Variants in MTMR12 observed in about 807,000 individuals in gnomAD.
MTMR12 encodes the protein myotubularin related protein 12.
MTMR12 carries 33 observed loss-of-function variants against 96.7 expected under a neutral mutation model. That is an observed-to-expected ratio of 0.34 (90% CI 0.26 to 0.46). The LOEUF is 0.46. MTMR12 is among the 20% of genes least tolerant of loss of function. The probability of loss-of-function intolerance (pLI) is 1.00; values close to 1 mark genes in which losing one functional copy is unlikely to be tolerated. For missense variants in MTMR12, 721 were observed against 896.1 expected (o/e 0.80, Z 2.49); for synonymous variants, 298 against 327.2 (o/e 0.91, Z 0.96).
At chr5:32,246,679 G>A (rs1561752368) in intron 10 of MTMR12, among the ~76,000 whole-genome samples, 3 of 152,162 alleles carry the variant, frequency 2.0e-5, no homozygotes, top group Admixed American at 6.5e-5. Flanking sequence ...TTGTCCATTT[G>A]TAAACTGCTG....
At chr5:32,285,177 G>A (rs1000807542) in intron 1 of MTMR12, among the ~76,000 whole-genome samples, 1 of 151,982 alleles carries the variant, frequency 6.6e-6, no homozygotes, top group Non-Finnish European at 1.5e-5. Context: ...GGCCAACATG[G>A]TGAAACCCCG....
At chr5:32,294,009 G>A (rs572686638) in intron 1 of MTMR12, among the ~76,000 whole-genome samples, 7 of 152,220 alleles carry the variant, frequency 4.6e-5, no homozygotes, top group East Asian at 1.9e-4. Flanking sequence ...TATTGCCCAC[G>A]TCTATCCATT....
intron 1 of MTMR12, among the ~76,000 whole-genome samples, chr5:32,282,642 G>A (rs1750348215): frequency 6.6e-6 from 1 of 151,942 alleles, no homozygotes; most frequent in Non-Finnish European, 1.5e-5. Context: ...CCAGTCCCAA[G>A]AAGAGAAATA....
chr5:32,234,182 C>T (rs1052479518), intron 14 of MTMR12, among the ~76,000 whole-genome samples: 5 of 152,310 alleles, frequency 3.3e-5, no homozygotes, highest in African/African-American at 9.6e-5. Flanking sequence ...GCTTCCACAG[C>T]CTCGCGAGGC....
At chr5:32,288,111 AAGGTGCATGCACAGCCTCGCC>A (rs1424281981) in intron 1 of MTMR12, among the ~76,000 whole-genome samples, 11 of 152,174 alleles carry the variant, frequency 7.2e-5, no homozygotes, top group Non-Finnish European at 1.3e-4. Flanking sequence ...CCTGCAACAA[AAGGTGCATGCACAGCCTCGCC>A]AGGTGTCTTT....
At chr5:32,261,649 T>C (rs946063691) in intron 7 of MTMR12, among the ~76,000 whole-genome samples, 4 of 152,238 alleles carry the variant, frequency 2.6e-5, no homozygotes, top group African/African-American at 9.6e-5. Flanking sequence ...TCCAGAATGA[T>C]AGCTCCAAGA....
At position 32,228,355 on chromosome 5, in the gene MTMR12, T is replaced by C. The variant is rs1250804128; in HGVS notation, c.*1423A>G. Reference sequence around the variant, plus strand: ...TTTTTCCGAACATGTAACATTCAAATTGGGATCCATACTGAAGAGCAAATA... The same window carrying C: ...TTTTTCCGAACATGTAACATTCAAACTGGGATCCATACTGAAGAGCAAATA... On this transcript the variant is annotated 3_prime_UTR_variant, in exon 16 of 16. Transcript: ENST00000382142. 1 of 151,880 alleles carries C rather than the reference T, an allele frequency of 6.6e-6. No homozygotes were observed. Among genetic ancestry groups the C allele is most frequent in the African/African-American group, 2.4e-5 (1 of 41,344 alleles). The allele number at this position is 151,880 out of a possible 1,614,324, so 9.4% of individuals were successfully genotyped here. A position where few individuals can be genotyped will look rare whatever the true frequency, so the allele number is the denominator to read the frequency against.
chr5:32,231,818 G>A (rs1286841745), intron 15 of MTMR12, among the ~76,000 whole-genome samples: 2 of 152,152 alleles, frequency 1.3e-5, no homozygotes, highest in Non-Finnish European at 2.9e-5. Flanking sequence ...GGACTACACT[G>A]AACCACCACC....
intron 1 of MTMR12, among the ~76,000 whole-genome samples, chr5:32,308,450 C>G (rs1751439035): frequency 6.6e-6 from 1 of 152,164 alleles, no homozygotes; most frequent in South Asian, 2.1e-4. Flanking sequence ...ACTCCTCCCA[C>G]TGGGTAAGCC....
At chr5:32,260,621 G>C (rs1749327713) in intron 7 of MTMR12, among the ~76,000 whole-genome samples, 1 of 151,096 alleles carries the variant, frequency 6.6e-6, no homozygotes, top group Non-Finnish European at 1.5e-5. Context: ...AACCAGGAAA[G>C]AGAAAAGAAC....
chr5:32,276,814 C>CA, intron 1 of MTMR12, 72 bp from the exon 2 acceptor site: 1 of 1,082,098 alleles, frequency 9.2e-7, no homozygotes, highest in Non-Finnish European at 1.3e-6. Flanking sequence ...GCCATGCTTT[C>CA]AGAATACACA....
chr5:32,256,441 G>C (rs540624258), intron 7 of MTMR12, among the ~76,000 whole-genome samples: 2 of 152,292 alleles, frequency 1.3e-5, no homozygotes, highest in Admixed American at 1.3e-4. Context: ...AGTGCAGCTG[G>C]GACCTGAACC....
chr5:32,232,990 T>G lies in MTMR12; in HGVS notation c.1674+783A>C, dbSNP rs566570161. On this transcript the variant is annotated intron_variant, in intron 15 of 15. Transcript: ENST00000382142. ...ACTGCTCTCTCCTTTGTGGACTCTGTGGGGGAGAAATTCTGGGCCTGGAGA... is the reference window on the plus strand; with the variant it reads ...ACTGCTCTCTCCTTTGTGGACTCTGGGGGGGAGAAATTCTGGGCCTGGAGA... The G allele has an allele frequency of 1.6e-5, 16 of 985,280 alleles. No homozygotes were observed. In the East Asian group the frequency reaches 4.5e-4, roughly 28 times the overall value. 61.0% of individuals were successfully genotyped at this position (985,280 alleles called of 1,614,324 possible). A position where few individuals can be genotyped will look rare whatever the true frequency, so the allele number is the denominator to read the frequency against.
At chr5:32,275,329 C>G (rs1306474329) in intron 2 of MTMR12, among the ~76,000 whole-genome samples, 3 of 151,962 alleles carry the variant, frequency 2.0e-5, no homozygotes, top group African/African-American at 7.3e-5. Flanking sequence ...TAAAATAGTC[C>G]CAGAAAAAGT....
At position 32,297,248 on chromosome 5, in the gene MTMR12, C is replaced by T. The variant is rs775547320; in HGVS notation, c.81+15510G>A. On this transcript the variant is annotated intron_variant, in intron 1 of 15. Coordinates refer to ENST00000382142, the MANE Select transcript of MTMR12 (RefSeq NM_001040446.3). Reference sequence around the variant, plus strand: ...ACCACAATCAATTTTAGATCATTTTCATCATCCCAAAAGGAATATTCTAAG... The same window carrying T: ...ACCACAATCAATTTTAGATCATTTTTATCATCCCAAAAGGAATATTCTAAG... Among the ~76,000 whole-genome samples the T allele has an allele frequency of 9.9e-5, 15 of 152,108 alleles. 1 individual carries two copies. The highest frequency in any genetic ancestry group is 1.9e-4 in the Non-Finnish European group (13 of 68,010).
Position 32,248,889 on chromosome 5 carries a change from A to C in MTMR12, c.790-11T>G, listed in dbSNP as rs1748802304. The C allele has an allele frequency of 1.9e-6, 3 of 1,604,578 alleles. No individual in the cohort carries two copies. The highest frequency in any genetic ancestry group is 1.1e-5 in the South Asian group (1 of 90,906). On this transcript the variant is annotated splice_polypyrimidine_tract_variant and intron_variant, in intron 8 of 15. Coordinates refer to ENST00000382142, the MANE Select transcript of MTMR12 (RefSeq NM_001040446.3). ...GGACCAACACCATATCTGTAGAAAC[A>C]AATAAAGCTTTACCAGATACAATAA...
intron 13 of MTMR12, among the ~76,000 whole-genome samples, chr5:32,235,740 C>T (rs11950407): frequency 0.34 from 51,069 of 152,096 alleles, 8,878 homozygotes; most frequent in East Asian, 0.5. Flanking sequence ...TTTCAAAATG[C>T]ATCTTTACAA....
chr5:32,233,834 T>C lies in MTMR12; in HGVS notation c.1613A>G (p.Asn538Ser), dbSNP rs1351298127. ...TTTTGGCTTTTCCACATAAAGAGGG[T>C]TTTTGAGCAATGTCTGGGCTTTGGG... ...FEPKAQTLLK[N>S]PLYVEKPKLD... The change falls in exon 15 of 16, where the codon AAC (asparagine) becomes AGC (serine). Residue 538 changes from asparagine (N) to serine (S), a missense_variant. Coordinates refer to ENST00000382142, the MANE Select transcript of MTMR12 (RefSeq NM_001040446.3). The surrounding 1 kb of genome is among the most constrained non-coding windows in gnomAD (Gnocchi z 5.0). The C allele has an allele frequency of 5.6e-6, 9 of 1,613,930 alleles. No homozygotes were observed. The highest frequency in any genetic ancestry group is 6.8e-6 in the Non-Finnish European group (8 of 1,179,968).
Position 32,233,684 on chromosome 5 carries a change from G to A in MTMR12, c.1674+89C>T. Reference sequence around the variant, plus strand: ...CAGACTGCTTCGAGGGGTAGAAAATGCTGGCAGACAGAATCCGTAAGTACC... The same window carrying A: ...CAGACTGCTTCGAGGGGTAGAAAATACTGGCAGACAGAATCCGTAAGTACC... On this transcript the variant is annotated intron_variant, in intron 15 of 15. Transcript: ENST00000382142. The surrounding 1 kb of genome is among the most constrained non-coding windows in gnomAD (Gnocchi z 5.0). The A allele has an allele frequency of 1.9e-6, 3 of 1,559,718 alleles. No homozygotes were observed. Among genetic ancestry groups the A allele is most frequent in the Non-Finnish European group, 2.6e-6 (3 of 1,139,924 alleles).
Sources: gnomAD v4.1 joint callset for allele counts (sites outside exome capture counted in the v4.1 genomes callset) on GRCh38, gnomAD v4.1.1 for gene constraint, Gnocchi (gnomAD v3.1) non-coding constraint, MANE v1.5 for transcripts, NCBI Gene and HGNC (gene_info 2026-07-23, HGNC 2026-07-21) for gene names.